The following POLH variants were observed in gnomAD, a reference collection of about 807,000 sequenced individuals.
The protein encoded by POLH is DNA polymerase eta transcript.
Under a neutral mutation model 73.6 loss-of-function variants are expected in POLH, and 53 were observed. The observed-to-expected ratio is 0.72, with a 90% CI of 0.58 to 0.91. The LOEUF (loss-of-function observed/expected upper bound fraction) is 0.91, where lower values mean the gene tolerates loss of function less well. Among genes scored for constraint, POLH ranks in the 40% least tolerant of loss-of-function variants. The probability of loss-of-function intolerance (pLI) is 0.00; values close to 1 mark genes in which losing one functional copy is unlikely to be tolerated. For missense variants in POLH, 768 were observed against 865.4 expected (o/e 0.89, Z 1.41); for synonymous variants, 292 against 308.5 (o/e 0.95, Z 0.56).
rs769233112 is a variant in POLH, at chr6:43,587,226, G to A, written c.273-46G>A. 5 of 1,391,196 alleles carry A rather than the reference G, an allele frequency of 3.6e-6. No homozygotes were observed. The African/African-American group carries it at 4.2e-5, about 12-fold the overall frequency. The allele number at this position is 1,391,196 out of a possible 1,614,324, so 86.2% of individuals were successfully genotyped here. On this transcript the variant is annotated intron_variant, in intron 3 of 10. Coordinates refer to ENST00000372236, the MANE Select transcript of POLH (RefSeq NM_006502.3). ...TGGGAGTGGAGCAGACAATCTCAAGGTTGCCTCTGTTTATTGCCTGCATGA... is the reference window on the plus strand; with the variant it reads ...TGGGAGTGGAGCAGACAATCTCAAGATTGCCTCTGTTTATTGCCTGCATGA...
At position 43,619,302 on chromosome 6, in the gene POLH, C is replaced by G. The variant is rs1020898942; in HGVS notation, c.*4745C>G. 7.6e-6 allele frequency among the ~76,000 whole-genome samples: 1 copy of G among 131,450 alleles called. No homozygotes were observed. Among genetic ancestry groups the G allele is most frequent in the Non-Finnish European group, 1.5e-5 (1 of 64,728 alleles). 86.2% of individuals were successfully genotyped at this position (131,450 alleles called of 152,430 possible). On this transcript the variant is annotated 3_prime_UTR_variant, in exon 11 of 11. Transcript: ENST00000372236. ...ATCACCTGAATCTGGGAGTTTGGGG[C>G]TGCAATAAGCCATGATTGTGCCGCT...
chr6:43,610,844 CAT>C (rs9333552), intron 10 of POLH, 121 bp downstream of exon 10: 234 of 802,948 alleles, frequency 2.9e-4, no homozygotes, highest in East Asian at 1.3e-3. Context: ...CAAATTTTCA[CAT>C]GAGCTGAATT....
chr6:43,593,040 G>A (rs1582288885), intron 4 of POLH, among the ~76,000 whole-genome samples: 1 of 146,938 alleles, frequency 6.8e-6, no homozygotes, highest in Admixed American at 6.8e-5. Flanking sequence ...GTTTTATAAT[G>A]ATTATTTTTG....
chr6:43,585,996 T>A (rs1192924401), intron 3 of POLH, among the ~76,000 whole-genome samples: 57 of 143,508 alleles, frequency 4.0e-4, no homozygotes, highest in Non-Finnish European at 5.2e-4. Context: ...AATAATGATT[T>A]AAAAAAAAAA....
Position 43,583,031 on chromosome 6 carries a change from T to G in POLH, c.162T>G (p.Ala54=), listed in dbSNP as rs1582271903. 6.2e-7 allele frequency: 1 copy of G among 1,613,696 alleles called. No individual in the cohort carries two copies. The highest frequency in any genetic ancestry group is 1.3e-5 in the African/African-American group (1 of 74,930). Residue 54 remains alanine, a synonymous_variant, in exon 3 of 11, where the codon GCT becomes GCG. Coordinates refer to ENST00000372236, the MANE Select transcript of POLH (RefSeq NM_006502.3). ...GAATAATTGCAGTGAGTTATGAAGC[T>G]CGTGCATTTGGAGTCACTAGAAGTA... ...GGGIIAVSYE[A]RAFGVTRSMW...
chr6:43,587,437 C>A lies in POLH; in HGVS notation c.438C>A (p.Tyr146Ter). ...CGGCAGACTTGTTGCCAAGCACTTA[C>A]ATTGAAGGGTTGCCCCAAGGCCCTA... ...PISADLLPST[Y>*]IEGLPQGPTT... The change falls in exon 4 of 11, where the codon TAC becomes TAA. Residue 146 changes from tyrosine (Y) to a stop codon, truncating the protein, a stop_gained. Transcript: ENST00000372236. LOFTEE classifies it high-confidence loss of function. 5.6e-6 allele frequency: 9 copies of A among 1,614,204 alleles called. No individual in the cohort carries two copies. Among genetic ancestry groups the A allele is most frequent in the Non-Finnish European group, 7.6e-6 (9 of 1,180,022 alleles).
chr6:43,604,791 A>C, intron 8 of POLH, 53 bp downstream of exon 8: 1 of 1,601,970 alleles, frequency 6.2e-7, no homozygotes, highest in East Asian at 2.2e-5. Flanking sequence ...GTCAGTGGGT[A>C]GGTTTTGGTA....
intron 2 of POLH, 78 bp downstream of exon 2, chr6:43,582,534 G>C: frequency 7.2e-7 from 1 of 1,391,580 alleles, no homozygotes; most frequent in Non-Finnish European, 1.0e-6. Flanking sequence ...TGTTGTGGTG[G>C]TGGTGGTGGT....
In POLH at chr6:43,613,678, G is replaced by A. The variant is rs748223412; in HGVS notation, c.1263G>A (p.Met421Ile). 1 of 1,613,786 alleles carries A rather than the reference G, an allele frequency of 6.2e-7. No individual in the cohort carries two copies. Among genetic ancestry groups the A allele is most frequent in the South Asian group, 1.1e-5 (1 of 91,018 alleles). ...TGTATAGGTCTCCTCCTCTCACAAT[G>A]CTTTTCCTCTGTGCTACAAAATTTT... ...IQTEWSPPLT[M>I]LFLCATKFSA... The change falls in exon 11 of 11, where the codon ATG becomes ATA. Residue 421 changes from methionine to isoleucine, a missense_variant. Transcript: ENST00000372236.
Position 43,614,666 on chromosome 6 carries a change from T to A in POLH, c.*109T>A. ...CCCTGAGAAAGGGAATTATGAAATT[T>A]TTAATACAAAAAATAATCCATTTAG... On this transcript the variant is annotated 3_prime_UTR_variant, in exon 11 of 11. Coordinates refer to ENST00000372236, the MANE Select transcript of POLH (RefSeq NM_006502.3). The A allele has an allele frequency of 2.0e-6, 2 of 1,024,664 alleles. No individual in the cohort carries two copies. The highest frequency in any genetic ancestry group is 2.8e-6 in the Non-Finnish European group (2 of 704,108). 63.5% of individuals were successfully genotyped at this position (1,024,664 alleles called of 1,614,324 possible). A position where few individuals can be genotyped will look rare whatever the true frequency, so the allele number is the denominator to read the frequency against.
chr6:43,585,290 T>G (rs2127776375), intron 3 of POLH, among the ~76,000 whole-genome samples: 1 of 152,338 alleles, frequency 6.6e-6, no homozygotes, highest in South Asian at 2.1e-4. Context: ...CCGGACCCTG[T>G]CCTCTTGGGT....
chr6:43,585,702 A>G (rs529962058), intron 3 of POLH, among the ~76,000 whole-genome samples: 34 of 146,706 alleles, frequency 2.3e-4, no homozygotes, highest in African/African-American at 8.0e-4. Context: ...CTAGGGTGCA[A>G]TGGTGCAATC....
intron 1 of POLH, among the ~76,000 whole-genome samples, chr6:43,581,869 C>G (rs867381478): frequency 1.6e-3 from 238 of 149,892 alleles, no homozygotes; most frequent in African/African-American, 5.4e-3. Context: ...GCGGCGCCTT[C>G]GAGCCTTCTA....
intron 4 of POLH, chr6:43,588,158 C>T (rs1765044445): frequency 6.3e-6 from 1 of 159,926 alleles, no homozygotes; most frequent in Non-Finnish European, 1.4e-5. Context: ...AAAGGGGGGC[C>T]TCAGGTATAG....
chr6:43,576,946 A>G (rs1763415631), intron 1 of POLH, among the ~76,000 whole-genome samples: 1 of 152,170 alleles, frequency 6.6e-6, no homozygotes, highest in African/African-American at 2.4e-5. Flanking sequence ...ACCTGAGGTC[A>G]GGAGTTCGAG....
chr6:43,585,842 C>G (rs1764744110), intron 3 of POLH, among the ~76,000 whole-genome samples: 1 of 151,522 alleles, frequency 6.6e-6, no homozygotes, highest in Non-Finnish European at 1.5e-5. Context: ...TGGGGTTTCT[C>G]CATGTTGGTC....
At chr6:43,582,920 G>A (rs1275461888) in intron 2 of POLH, 87 bp from the exon 3 acceptor site, 5 of 1,172,264 alleles carry the variant, frequency 4.3e-6, no homozygotes, top group Non-Finnish European at 6.2e-6. Flanking sequence ...TTTCTAATAT[G>A]TTTATAGATT....
At chr6:43,607,742 A>G (rs960770731) in intron 9 of POLH, among the ~76,000 whole-genome samples, 2 of 152,120 alleles carry the variant, frequency 1.3e-5, no homozygotes, top group African/African-American at 2.4e-5. Context: ...AATTTTAGCC[A>G]TTCTAGTGGG....
At chr6:43,606,482 G>GC (rs1271412271) in intron 9 of POLH, among the ~76,000 whole-genome samples, 2 of 151,646 alleles carry the variant, frequency 1.3e-5, no homozygotes, top group African/African-American at 4.8e-5. Context: ...AGGCTGGAGT[G>GC]CAGTGGAGCA....
Sources: gnomAD v4.1 joint callset for allele counts (sites outside exome capture counted in the v4.1 genomes callset) on GRCh38, gnomAD v4.1.1 for gene constraint, MANE v1.5 for transcripts, NCBI Gene and HGNC (gene_info 2026-07-23, HGNC 2026-07-21) for gene names.